RAB3B: variants seen among roughly 807,000 people sequenced by gnomAD.
The protein encoded by RAB3B is RAB3B, member RAS oncogene family.
RAB3B carries 11 observed loss-of-function variants against 20.5 expected under a neutral mutation model. The ratio of observed to expected loss-of-function variants is 0.54; its 90% CI spans 0.34 to 0.89. RAB3B has a LOEUF of 0.89. Ranked by LOEUF, RAB3B falls within the 40% of genes least tolerant of loss-of-function variation. The pLI is 0.02. For synonymous variants in RAB3B, 99 were observed against 106.3 expected, an observed-to-expected ratio of 0.93 and a Z score of 0.42; for missense variants, 225 against 280.9, an observed-to-expected ratio of 0.80 and a Z score of 1.42.
intron 1 of RAB3B, among the ~76,000 whole-genome samples, chr1:51,977,859 T>A (rs1160665999): frequency 1.3e-5 from 2 of 152,110 alleles, no homozygotes; most frequent in African/African-American, 4.8e-5. Context: ...GCTCTAAAGA[T>A]CAAGTCCAAA....
At chr1:51,971,902 C>A (rs1404810029) in intron 2 of RAB3B, among the ~76,000 whole-genome samples, 1 of 152,134 alleles carries the variant, frequency 6.6e-6, no homozygotes, top group South Asian at 2.1e-4. Flanking sequence ...CAATTTAGGC[C>A]AGGCACGGTG....
intron 2 of RAB3B, among the ~76,000 whole-genome samples, chr1:51,960,357 G>C (rs540013832): frequency 6.6e-6 from 1 of 152,144 alleles, no homozygotes; most frequent in Non-Finnish European, 1.5e-5. Flanking sequence ...AAGAGAGGGG[G>C]CACTGTATCC....
chr1:51,981,920 T>C (rs1436731610), intron 1 of RAB3B, among the ~76,000 whole-genome samples: 1 of 152,242 alleles, frequency 6.6e-6, no homozygotes, highest in Non-Finnish European at 1.5e-5. Flanking sequence ...TAAATGACTA[T>C]GTTACTGGCT....
At position 51,914,369 on chromosome 1, in the gene RAB3B, G is replaced by A. The variant is rs891254033; in HGVS notation, c.*5558C>T. Reference sequence around the variant, plus strand: ...GAGCCCCTGAAACAGTTTCTCAAAGGTGATTCCGGTTTCCCAGTTGAGTGT... The same window carrying A: ...GAGCCCCTGAAACAGTTTCTCAAAGATGATTCCGGTTTCCCAGTTGAGTGT... On this transcript the variant is annotated 3_prime_UTR_variant, in exon 5 of 5. Coordinates refer to ENST00000371655, the MANE Select transcript of RAB3B (RefSeq NM_002867.4). 1 of 152,172 alleles carries A rather than the reference G, an allele frequency of 6.6e-6. No homozygotes were observed. Among genetic ancestry groups the A allele is most frequent in the Non-Finnish European group, 1.5e-5 (1 of 68,042 alleles). 9.4% of individuals were successfully genotyped at this position (152,172 alleles called of 1,614,324 possible).
At chr1:51,959,355 TA>T (rs916777971) in intron 2 of RAB3B, among the ~76,000 whole-genome samples, 3 of 151,750 alleles carry the variant, frequency 2.0e-5, no homozygotes, top group African/African-American at 7.3e-5. Flanking sequence ...CCTGTCTCTA[TA>T]AAAAAATTAG....
chr1:51,954,979 G>A (rs1684688500), intron 2 of RAB3B, among the ~76,000 whole-genome samples: 1 of 152,172 alleles, frequency 6.6e-6, no homozygotes, highest in South Asian at 2.1e-4. Flanking sequence ...CCACTGAAGG[G>A]TTTAGTGTGT....
chr1:51,928,398 A>G (rs552390255), intron 4 of RAB3B, among the ~76,000 whole-genome samples: 1 of 152,200 alleles, frequency 6.6e-6, no homozygotes, highest in Non-Finnish European at 1.5e-5. Context: ...TGAGCCACCA[A>G]GCCCAGCCTC....
chr1:51,976,244 C>A (rs1203183450), intron 2 of RAB3B, among the ~76,000 whole-genome samples: 1 of 152,176 alleles, frequency 6.6e-6, no homozygotes, highest in South Asian at 2.1e-4. Flanking sequence ...TGGCTCACTG[C>A]AGCCTCGACC....
At chr1:51,965,513 G>C (rs1176753318) in intron 2 of RAB3B, among the ~76,000 whole-genome samples, 2 of 151,958 alleles carry the variant, frequency 1.3e-5, no homozygotes, top group Admixed American at 6.6e-5. Flanking sequence ...CGGGTGCGGT[G>C]GGGGGCACGT....
Position 51,915,803 on chromosome 1 carries a change from TCTGCCTCAGCCTC to T in RAB3B, c.*4111_*4123del, listed in dbSNP as rs1367982344. ...TCTGCCTCCCAGGTTCAAGCGATTCTCTGCCTCAGCCTCCTGAGTAGGGATTTCAGGTGCCCAC... is the reference window on the plus strand; with the variant it reads ...TCTGCCTCCCAGGTTCAAGCGATTCTCTGAGTAGGGATTTCAGGTGCCCAC... On this transcript the variant is annotated 3_prime_UTR_variant, in exon 5 of 5. Transcript: ENST00000371655. The T allele has an allele frequency of 2.6e-5, 4 of 152,676 alleles. No homozygotes were observed. The South Asian group carries it at 8.3e-4, about 32-fold the overall frequency. 9.5% of individuals were successfully genotyped at this position (152,676 alleles called of 1,614,324 possible).
intron 1 of RAB3B, among the ~76,000 whole-genome samples, chr1:51,985,723 G>A (rs533455563): frequency 3.9e-5 from 6 of 152,148 alleles, no homozygotes; most frequent in East Asian, 1.9e-4. Context: ...ATGTAGCCTC[G>A]TGTAGAATCA....
intron 1 of RAB3B, among the ~76,000 whole-genome samples, chr1:51,989,109 A>G (rs924718802): frequency 6.7e-5 from 10 of 148,642 alleles, no homozygotes; most frequent in East Asian, 2.1e-4. Context: ...GCGCGCACAC[A>G]CACACACACA....
intron 2 of RAB3B, among the ~76,000 whole-genome samples, chr1:51,970,067 C>T (rs1328217512): frequency 6.7e-6 from 1 of 148,182 alleles, no homozygotes; most frequent in African/African-American, 2.5e-5. Context: ...TAGACCCTAT[C>T]TCAAAAAAAA....
At chr1:51,959,274 C>T (rs936932790) in intron 2 of RAB3B, among the ~76,000 whole-genome samples, 6 of 152,082 alleles carry the variant, frequency 3.9e-5, no homozygotes, top group Non-Finnish European at 5.9e-5. Flanking sequence ...AATCTCAGCA[C>T]TTTAGGAGGC....
chr1:51,979,664 T>A (rs1039724346), intron 1 of RAB3B, among the ~76,000 whole-genome samples: 2 of 152,152 alleles, frequency 1.3e-5, no homozygotes, highest in African/African-American at 4.8e-5. Flanking sequence ...CTTTCTTTAT[T>A]CACAAGAGAA....
intron 1 of RAB3B, among the ~76,000 whole-genome samples, chr1:51,984,151 CT>C (rs1685122826): frequency 6.7e-6 from 1 of 149,848 alleles, no homozygotes; most frequent in African/African-American, 2.5e-5. Flanking sequence ...GTAATCCCAG[CT>C]ACTCTGGAGG....
chr1:51,937,704 T>C lies in RAB3B; in HGVS notation c.229-292A>G, dbSNP rs140475100. 2.4e-3 allele frequency among the ~76,000 whole-genome samples: 364 copies of C among 151,754 alleles called. 12 individuals are homozygous for C. In the East Asian group the frequency reaches 0.059, roughly 25 times the overall value. ...TAGAGACAGGGTTTCTCCATGTTGG[T>C]CAGGCAGGTCTCGAACTCCTGACCT... On this transcript the variant is annotated intron_variant, in intron 2 of 4. Transcript: ENST00000371655.
At chr1:51,975,513 C>T (rs1411302166) in intron 2 of RAB3B, among the ~76,000 whole-genome samples, 1 of 152,208 alleles carries the variant, frequency 6.6e-6, no homozygotes, top group East Asian at 1.9e-4. Context: ...AAGGCTAAGG[C>T]TAACTCATAA....
intron 2 of RAB3B, among the ~76,000 whole-genome samples, chr1:51,946,293 C>G (rs185717084): frequency 1.7e-3 from 252 of 152,326 alleles, no homozygotes; most frequent in African/African-American, 5.9e-3. Flanking sequence ...AACACTCCAG[C>G]TCTCACTATC....
Sources: allele counts gnomAD v4.1 joint callset (sites outside exome capture counted in the v4.1 genomes callset), GRCh38; gene constraint gnomAD v4.1.1; transcripts MANE v1.5; gene names NCBI Gene and HGNC (gene_info 2026-07-23, HGNC 2026-07-21).